The following FGF14 variants were observed in gnomAD, a reference collection of about 807,000 sequenced individuals.
The protein encoded by FGF14 is fibroblast growth factor homologous factor 4.
Under a neutral mutation model 25.5 loss-of-function variants are expected in FGF14, and 5 were observed. The ratio of observed to expected loss-of-function variants is 0.20; its 90% confidence interval spans 0.10 to 0.41. The LOEUF is 0.41. FGF14 is among the 10% of genes least tolerant of loss of function. The pLI, the probability that FGF14 is intolerant of heterozygous loss-of-function variation, is 1.00. For synonymous variants in FGF14, 138 were observed against 118.3 expected (o/e 1.17, Z -1.08); for missense variants, 222 against 320.1 (o/e 0.69, Z 2.34).
intron 3 of FGF14, among the ~76,000 whole-genome samples, chr13:101,823,189 G>A (rs184733932): frequency 6.6e-6 from 1 of 151,912 alleles, no homozygotes; most frequent in Non-Finnish European, 1.5e-5. Context: ...TATTTGTGTG[G>A]ATTTATGTTT....
intron 1 of FGF14, among the ~76,000 whole-genome samples, chr13:102,200,633 T>A (rs200805764): frequency 1.4e-5 from 2 of 143,462 alleles, no homozygotes; most frequent in Admixed American, 7.0e-5. Flanking sequence ...TTTTTTTTTT[T>A]CAACCAGGCT....
chr13:102,158,576 T>C (rs9557823), intron 1 of FGF14, among the ~76,000 whole-genome samples: 9,971 of 150,434 alleles, frequency 0.066, 935 homozygotes, highest in East Asian at 0.49. Flanking sequence ...TGTTAAATGA[T>C]GAGTTAATGG....
chr13:102,244,608 C>T (rs1212200285), intron 1 of FGF14, among the ~76,000 whole-genome samples: 7 of 151,952 alleles, frequency 4.6e-5, no homozygotes, highest in African/African-American at 1.7e-4. Context: ...TTTTTCATGT[C>T]ATTGCATACA....
chr13:102,015,370 G>C (rs1453842832), intron 1 of FGF14, among the ~76,000 whole-genome samples: 1 of 152,040 alleles, frequency 6.6e-6, no homozygotes, highest in South Asian at 2.1e-4. Context: ...ATTGTCACAG[G>C]CTCTACACTT....
intron 1 of FGF14, among the ~76,000 whole-genome samples, chr13:102,035,573 A>G (rs2041431993): frequency 6.6e-6 from 1 of 152,156 alleles, no homozygotes; most frequent in African/African-American, 2.4e-5. Context: ...ACCTGAAGCC[A>G]ACATTTTCAA....
rs918418217 is a variant in FGF14, at chr13:102,291,490, G to A, written c.208+109981C>T. ...GCTTAAAGGAGTGTATTCCTTCCCC[G>A]TGTCAAGAATGTGTTCTCTATTCAC... On this transcript the variant is annotated intron_variant, in intron 1 of 4. Transcript: ENST00000376131. 4.6e-4 allele frequency among the ~76,000 whole-genome samples: 70 copies of A among 152,240 alleles called. 1 individual carries two copies. The highest frequency in any genetic ancestry group is 1.4e-3 in the African/African-American group (60 of 41,542).
chr13:101,895,346 A>C (rs2030477814), intron 1 of FGF14, among the ~76,000 whole-genome samples: 1 of 152,186 alleles, frequency 6.6e-6, no homozygotes, highest in Non-Finnish European at 1.5e-5. Flanking sequence ...TATAAGTATA[A>C]AGTAAGGATG....
chr13:102,258,394 C>T (rs1278250894), intron 1 of FGF14, among the ~76,000 whole-genome samples: 1 of 152,088 alleles, frequency 6.6e-6, no homozygotes, highest in African/African-American at 2.4e-5. Flanking sequence ...TGCCTCCACC[C>T]CTCTTGCTTG....
In FGF14 at chr13:101,875,193, A is replaced by T. The variant is rs1477272897; in HGVS notation, c.297T>A (p.Thr99=). ...GALDGTKDDS[T]NSTLFNLIPV... ...CCTGAGGTTGTCACTTACTAGAATT[A>T]GTGCTGTCATCCTTGGTTCCATCGA... The change falls in exon 2 of 5, where the codon ACT becomes ACA. Residue 99 remains threonine (T), a synonymous_variant. Coordinates refer to ENST00000376143, the MANE Select transcript of FGF14 (RefSeq NM_004115.4). The T allele has an allele frequency of 6.2e-7, 1 of 1,610,332 alleles. No individual in the cohort carries two copies. Among genetic ancestry groups the T allele is most frequent in the Non-Finnish European group, 8.5e-7 (1 of 1,176,654 alleles).
chr13:102,118,010 A>T lies in FGF14; in HGVS notation c.209-242714T>A, dbSNP rs191103424. Among the ~76,000 whole-genome samples, 68 of 152,274 alleles carry T rather than the reference A, an allele frequency of 4.5e-4. 1 individual carries two copies. Among genetic ancestry groups the T allele is most frequent in the African/African-American group, 1.6e-3 (66 of 41,564 alleles). ...CCTATTTTAAATAAAAAACTACAAT[A>T]AATGAATATAACTGTATGCCAAATT... is the stretch of plus-strand genomic sequence containing the variant. On this transcript the variant is annotated intron_variant, in intron 1 of 4. Transcript: ENST00000376131.
chr13:102,215,161 G>A (rs976588560), intron 1 of FGF14, among the ~76,000 whole-genome samples: 3 of 152,146 alleles, frequency 2.0e-5, no homozygotes, highest in African/African-American at 7.2e-5. Flanking sequence ...CTAAAAATGG[G>A]AGACACTGAC....
chr13:102,339,096 A>G (rs1257994280), intron 1 of FGF14, among the ~76,000 whole-genome samples: 1 of 151,986 alleles, frequency 6.6e-6, no homozygotes, highest in Admixed American at 6.6e-5. Context: ...AGGGGATTAG[A>G]AGATTAAAAA....
chr13:102,063,670 G>GAAAA (rs1000773954), intron 1 of FGF14, among the ~76,000 whole-genome samples: 1 of 151,420 alleles, frequency 6.6e-6, no homozygotes, highest in African/African-American at 2.4e-5. Flanking sequence ...TTAAAATCAT[G>GAAAA]AAAAAAAGAA....
intron 3 of FGF14, among the ~76,000 whole-genome samples, chr13:101,751,209 T>C (rs997231904): frequency 6.6e-6 from 1 of 152,158 alleles, no homozygotes; most frequent in Admixed American, 6.6e-5. Context: ...TTAGCTAATA[T>C]TAATTTATCA....
chr13:101,861,712 C>G (rs1283145627), intron 3 of FGF14, among the ~76,000 whole-genome samples: 2 of 152,084 alleles, frequency 1.3e-5, no homozygotes, highest in East Asian at 3.9e-4. Flanking sequence ...AACCCCTGCC[C>G]CCACAGCACA....
intron 1 of FGF14, among the ~76,000 whole-genome samples, chr13:102,379,333 G>A (rs530409192): frequency 6.6e-6 from 1 of 151,760 alleles, no homozygotes; most frequent in African/African-American, 2.4e-5. Flanking sequence ...GACACTAAAA[G>A]TAAAGAAACA....
At chr13:101,957,734 T>C (rs184145830) in intron 1 of FGF14, among the ~76,000 whole-genome samples, 1 of 152,344 alleles carries the variant, frequency 6.6e-6, no homozygotes, top group East Asian at 1.9e-4. Flanking sequence ...AGGCAATCTT[T>C]ATCCATTTAC....
chr13:102,109,235 A>T (rs1039351283), intron 1 of FGF14, among the ~76,000 whole-genome samples: 1 of 152,208 alleles, frequency 6.6e-6, no homozygotes, highest in African/African-American at 2.4e-5. Context: ...TCATGGAAGC[A>T]GAGTAGACTG....
chr13:102,170,940 C>CA (rs2048220004), intron 1 of FGF14, among the ~76,000 whole-genome samples: 1 of 151,896 alleles, frequency 6.6e-6, no homozygotes, highest in Non-Finnish European at 1.5e-5. Flanking sequence ...TAGTGAGTTA[C>CA]AAAAAACAAT....
Sources: gnomAD v4.1 joint callset for allele counts (sites outside exome capture counted in the v4.1 genomes callset) on GRCh38, gnomAD v4.1.1 for gene constraint, MANE v1.5 for transcripts, NCBI Gene and HGNC (gene_info 2026-07-23, HGNC 2026-07-21) for gene names.